Variants in PRKCA observed in about 807,000 individuals in gnomAD.
PRKCA encodes protein kinase C alpha type.
A neutral mutation model predicts 87.0 loss-of-function variants in PRKCA; 27 were observed. That is an observed-to-expected ratio of 0.31 (90% confidence interval 0.23 to 0.43). PRKCA has a LOEUF of 0.43. PRKCA is among the 20% of genes least tolerant of loss of function. The probability of loss-of-function intolerance (pLI) is 1.00; values close to 1 mark genes in which losing one functional copy is unlikely to be tolerated. For missense variants in PRKCA, 518 were observed against 852.3 expected (o/e 0.61, Z 4.88); for synonymous variants, 329 against 311.1 (o/e 1.06, Z -0.61).
intron 2 of PRKCA, among the ~76,000 whole-genome samples, chr17:66,346,287 C>T (rs185692457): frequency 1.1e-4 from 16 of 151,908 alleles, no homozygotes; most frequent in East Asian, 5.8e-4. Flanking sequence ...TTAGTAGAGA[C>T]AGGGTTTCAC....
At chr17:66,640,796 C>A in intron 3 of PRKCA, 1 of 334,696 alleles carries the variant, frequency 3.0e-6, no homozygotes, top group African/African-American at 2.2e-5. Context: ...GAAGTAATAG[C>A]TTTGGTGGAA....
At chr17:66,738,683 G>A (rs1974093399) in intron 10 of PRKCA, 81 bp from the exon 11 acceptor site, 7 of 1,126,800 alleles carry the variant, frequency 6.2e-6, no homozygotes, top group Non-Finnish European at 8.0e-6. Context: ...TAATGAGAAA[G>A]CAAAACACAA....
At chr17:66,510,846 A>T (rs1261685674) in intron 3 of PRKCA, among the ~76,000 whole-genome samples, 1 of 152,052 alleles carries the variant, frequency 6.6e-6, no homozygotes, top group Non-Finnish European at 1.5e-5. Context: ...CCCTGGGCTC[A>T]GGTAATTCTC....
chr17:66,535,767 G>A (rs1967758003), intron 3 of PRKCA, among the ~76,000 whole-genome samples: 1 of 152,206 alleles, frequency 6.6e-6, no homozygotes, highest in Non-Finnish European at 1.5e-5. Context: ...GGATATCAGT[G>A]CACTGTGAGA....
chr17:66,354,630 G>T (rs998469460), intron 2 of PRKCA, among the ~76,000 whole-genome samples: 1 of 152,108 alleles, frequency 6.6e-6, no homozygotes, highest in Non-Finnish European at 1.5e-5. Context: ...AAACAGGGCT[G>T]CCCCCTTTTC....
chr17:66,371,138 TC>T (rs888794412), intron 2 of PRKCA, among the ~76,000 whole-genome samples: 35 of 152,206 alleles, frequency 2.3e-4, no homozygotes, highest in Non-Finnish European at 4.0e-4. Flanking sequence ...AGTTCCCCCA[TC>T]TTTGGCCAAA....
At position 66,695,040 on chromosome 17, in the gene PRKCA, A is replaced by C. The variant is rs530309038; in HGVS notation, c.918+5993A>C. 2.0e-4 allele frequency among the ~76,000 whole-genome samples: 31 copies of C among 152,320 alleles called. No individual in the cohort carries two copies. In the East Asian group the frequency reaches 5.8e-3, roughly 28 times the overall value. On this transcript the variant is annotated intron_variant, in intron 8 of 16. Transcript: ENST00000413366. ...GTGAGGGGAAGGGAGTTCTGGGACC[A>C]GTTTCTAGGCCTGCCTGGGATCCAG...
chr17:66,619,037 G>A (rs1970595655), intron 3 of PRKCA, among the ~76,000 whole-genome samples: 1 of 152,156 alleles, frequency 6.6e-6, no homozygotes, highest in African/African-American at 2.4e-5. Context: ...CTTCCCTCAA[G>A]AACTGAGAAT....
chr17:66,628,344 G>A (rs1970915431), intron 3 of PRKCA, among the ~76,000 whole-genome samples: 2 of 151,934 alleles, frequency 1.3e-5, no homozygotes, highest in African/African-American at 4.8e-5. Context: ...TGAATGTTTA[G>A]GAATTGGGGG....
chr17:66,586,287 T>C (rs1000580629), intron 3 of PRKCA, among the ~76,000 whole-genome samples: 2 of 152,148 alleles, frequency 1.3e-5, no homozygotes, highest in African/African-American at 4.8e-5. Flanking sequence ...TTTACCTAAC[T>C]TGTGACATCC....
chr17:66,440,416 T>G (rs1335643816), intron 2 of PRKCA, among the ~76,000 whole-genome samples: 1 of 152,244 alleles, frequency 6.6e-6, no homozygotes, highest in Non-Finnish European at 1.5e-5. Flanking sequence ...ATTCGGGAAG[T>G]CAGCACATGT....
chr17:66,404,071 C>G (rs970261306), intron 2 of PRKCA: 1 of 152,226 alleles, frequency 6.6e-6, no homozygotes, highest in Non-Finnish European at 1.5e-5. Context: ...CAAAAGTCAG[C>G]TGGCTGTTCT....
intron 14 of PRKCA, among the ~76,000 whole-genome samples, chr17:66,786,114 C>G (rs535105153): frequency 1.1e-3 from 167 of 152,390 alleles, no homozygotes; most frequent in Non-Finnish European, 1.9e-3. Context: ...AGGCGTGAGC[C>G]ACCGCGCCCG....
At chr17:66,752,912 A>G (rs1238377588) in intron 13 of PRKCA, among the ~76,000 whole-genome samples, 2 of 152,222 alleles carry the variant, frequency 1.3e-5, no homozygotes, top group Non-Finnish European at 2.9e-5. Flanking sequence ...GGTCAAAGAC[A>G]GTGAGGACCA....
chr17:66,363,198 C>A (rs1908500591), intron 2 of PRKCA, among the ~76,000 whole-genome samples: 1 of 152,184 alleles, frequency 6.6e-6, no homozygotes, highest in Non-Finnish European at 1.5e-5. Context: ...AAGATGAGCA[C>A]CAGCTAGCCA....
intron 8 of PRKCA, among the ~76,000 whole-genome samples, chr17:66,706,938 G>A (rs1973207892): frequency 6.6e-6 from 1 of 152,164 alleles, no homozygotes; most frequent in Non-Finnish European, 1.5e-5. Context: ...CAAACTGGGA[G>A]AGATGTTTAA....
chr17:66,721,749 T>C (rs568366240), intron 8 of PRKCA, among the ~76,000 whole-genome samples: 1 of 152,328 alleles, frequency 6.6e-6, no homozygotes, highest in South Asian at 2.1e-4. Context: ...GCTTCATTAC[T>C]GCATCCTGTT....
At chr17:66,494,605 G>A (rs763303422) in intron 2 of PRKCA, among the ~76,000 whole-genome samples, 13 of 152,184 alleles carry the variant, frequency 8.5e-5, no homozygotes, top group Non-Finnish European at 1.6e-4. Context: ...TTTCACAGCT[G>A]ACATGAAATC....
chr17:66,527,973 G>A (rs149076689), intron 3 of PRKCA, among the ~76,000 whole-genome samples: 10 of 152,198 alleles, frequency 6.6e-5, no homozygotes, highest in East Asian at 3.9e-4. Flanking sequence ...CAAGGCGGGC[G>A]GATCACTTGA....
Sources: gnomAD v4.1 joint callset for allele counts (sites outside exome capture counted in the v4.1 genomes callset) on GRCh38, gnomAD v4.1.1 for gene constraint, MANE v1.5 for transcripts, NCBI Gene and HGNC (gene_info 2026-07-23, HGNC 2026-07-21) for gene names.